The following MMP15 variants were observed in gnomAD, a reference collection of about 807,000 sequenced individuals.
The protein encoded by MMP15 is matrix metalloproteinase-15.
A neutral mutation model predicts 65.0 loss-of-function variants in MMP15; 36 were observed. That is an observed-to-expected ratio of 0.55 (90% CI 0.42 to 0.73). MMP15 has a LOEUF of 0.73. MMP15 is among the 30% of genes least tolerant of loss of function. MMP15 has a pLI of 0.00. For missense variants in MMP15, 870 were observed against 987.8 expected (o/e 0.88, Z 1.60); for synonymous variants, 428 against 410.2 (o/e 1.04, Z -0.52).
intron 4 of MMP15, 31 bp downstream of exon 4, chr16:58,040,213 G>A (rs759458685): frequency 6.3e-7 from 1 of 1,582,280 alleles, no homozygotes; most frequent in Non-Finnish European, 8.6e-7. Context: ...TGAGGGGCAG[G>A]GCAGGTGGCC....
In MMP15 at chr16:58,038,361, G is replaced by A. The variant is rs777664379; in HGVS notation, c.407G>A (p.Gly136Glu). Residue 136 changes from glycine (G) to glutamate (E), a missense_variant, in exon 3 of 10, where the codon GGG becomes GAG. Gly to Glu is a moderately conservative substitution (Grantham distance 98, BLOSUM62 -2). Coordinates refer to ENST00000219271, the MANE Select transcript of MMP15 (RefSeq NM_002428.4). ...RRRRKRYALT[G>E]RKWNNHHLTF... ...CGTCGGAAGCGCTACGCCCTCACCG[G>A]GAGGAAGTGGAACAACCACCATCTG... The A allele has an allele frequency of 6.2e-7, 1 of 1,614,086 alleles. No homozygotes were observed. Among genetic ancestry groups the A allele is most frequent in the Admixed American group, 1.7e-5 (1 of 60,026 alleles).
At chr16:58,041,587 C>T (rs1437606925) in intron 5 of MMP15, 30 bp from the exon 6 acceptor site, 3 of 1,561,678 alleles carry the variant, frequency 1.9e-6, no homozygotes, top group African/African-American at 2.7e-5. Flanking sequence ...GGAACACAGA[C>T]CTCACTTCTG....
At position 58,041,727 on chromosome 16, in the gene MMP15, G is replaced by C; in HGVS notation, c.1021G>C (p.Gly341Arg). 6.3e-7 allele frequency: 1 copy of C among 1,592,102 alleles called. No homozygotes were observed. Reference protein sequence around the residue: ...PPRPPQPPPPGGKPERPPKPG... With the variant: ...PPRPPQPPPPRGKPERPPKPG... Reference sequence around the variant, plus strand: ...CCGGCCTCCCCAGCCACCACCCCCAGGTGGGAAGCCAGAGCGGCCCCCAAA... The same window carrying C: ...CCGGCCTCCCCAGCCACCACCCCCACGTGGGAAGCCAGAGCGGCCCCCAAA... The change falls in exon 6 of 10, where the codon GGT becomes CGT. Residue 341 changes from glycine (G) to arginine (R), a missense_variant. Gly to Arg is a moderately radical substitution (Grantham distance 125, BLOSUM62 -2). Transcript: ENST00000219271.
intron 1 of MMP15, among the ~76,000 whole-genome samples, chr16:58,027,303 AGGCGCGACATCCC>A (rs1963836384): frequency 6.6e-6 from 1 of 152,204 alleles, no homozygotes; most frequent in Admixed American, 6.5e-5. Flanking sequence ...GCGGGTGACC[AGGCGCGACATCCC>A]GGCGTAGAGC....
At chr16:58,038,502 T>A (rs1038867241) in intron 3 of MMP15, 108 bp downstream of exon 3, 6 of 1,435,136 alleles carry the variant, frequency 4.2e-6, no homozygotes, top group Non-Finnish European at 5.7e-6. Flanking sequence ...TCCAGCCCGC[T>A]TTCACGCTGA....
At chr16:58,039,433 AAAAG>A (rs1408895946) in intron 3 of MMP15, among the ~76,000 whole-genome samples, 1 of 152,240 alleles carries the variant, frequency 6.6e-6, no homozygotes, top group Non-Finnish European at 1.5e-5. Flanking sequence ...CTCCATCTCA[AAAAG>A]AAAGAAGGAA....
chr16:58,043,744 C>T (rs1959500951), intron 9 of MMP15, 117 bp downstream of exon 9: 1 of 692,230 alleles, frequency 1.4e-6, no homozygotes, highest in Admixed American at 3.1e-5. Flanking sequence ...GGGTGACAAG[C>T]TGTGTCACGC....
intron 3 of MMP15, among the ~76,000 whole-genome samples, chr16:58,039,173 C>T (rs1040779947): frequency 6.6e-6 from 1 of 152,240 alleles, no homozygotes; most frequent in Non-Finnish European, 1.5e-5. Context: ...TGGCTCACAC[C>T]TGTAATCCCA....
At chr16:58,043,450 G>T in intron 8 of MMP15, 62 bp from the exon 9 acceptor site, 1 of 1,600,574 alleles carries the variant, frequency 6.2e-7, no homozygotes, top group Admixed American at 1.7e-5. Context: ...CACTGCCTGT[G>T]GGGAACGGGT....
At chr16:58,027,341 G>T (rs1567427388) in intron 1 of MMP15, among the ~76,000 whole-genome samples, 1 of 152,228 alleles carries the variant, frequency 6.6e-6, no homozygotes. Context: ...TCCAGCCAGC[G>T]CCCCAGCTCC....
chr16:58,040,321 A>G (rs1959426168), intron 4 of MMP15, 139 bp downstream of exon 4: 20 of 1,048,708 alleles, frequency 1.9e-5, no homozygotes, highest in Non-Finnish European at 2.4e-5. Context: ...ACTACACTCA[A>G]TTTCAGTCTG....
At chr16:58,042,190 C>T in intron 6 of MMP15, 41 bp from the exon 7 acceptor site, 1 of 1,589,598 alleles carries the variant, frequency 6.3e-7, no homozygotes, top group Non-Finnish European at 8.6e-7. Context: ...CCGGCCAAGG[C>T]AGCTTGCCTG....
chr16:58,032,950 AG>A (rs1245018732), intron 1 of MMP15, among the ~76,000 whole-genome samples: 1 of 152,186 alleles, frequency 6.6e-6, no homozygotes, highest in African/African-American at 2.4e-5. Context: ...GGGTCTGATA[AG>A]GGCCCCGGGG....
chr16:58,031,254 A>G (rs1029289980), intron 1 of MMP15, among the ~76,000 whole-genome samples: 11 of 152,184 alleles, frequency 7.2e-5, no homozygotes, highest in Non-Finnish European at 1.5e-4. Flanking sequence ...GTTGAAGGCT[A>G]CAGGTCAGAG....
In MMP15 at chr16:58,026,140, G is replaced by T. The variant is rs1205686820; in HGVS notation, c.-211G>T. 2 of 452,868 alleles carry T rather than the reference G, an allele frequency of 4.4e-6. No homozygotes were observed. The highest frequency in any genetic ancestry group is 7.1e-6 in the Non-Finnish European group (2 of 280,552). 28.1% of individuals were successfully genotyped at this position (452,868 alleles called of 1,614,324 possible). A position where few individuals can be genotyped will look rare whatever the true frequency, so the allele number is the denominator to read the frequency against. On this transcript the variant is annotated 5_prime_UTR_variant, in exon 1 of 10. Coordinates refer to ENST00000219271, the MANE Select transcript of MMP15 (RefSeq NM_002428.4). The stretch of plus-strand genomic sequence containing the variant: ...GCAGCTCCGGTCGGCCCCCTTTCCC[G>T]CCGGCTGGTTCCGAGCTCCCGGACC...
chr16:58,034,538 C>G (rs1219988022), intron 1 of MMP15, among the ~76,000 whole-genome samples: 15 of 152,164 alleles, frequency 9.9e-5, no homozygotes, highest in Admixed American at 8.5e-4. Context: ...CGTTCAGTCA[C>G]CCTGAGCACA....
At chr16:58,031,725 A>G (rs1963891027) in intron 1 of MMP15, among the ~76,000 whole-genome samples, 1 of 152,030 alleles carries the variant, frequency 6.6e-6, no homozygotes. Flanking sequence ...AACTCGCTTA[A>G]AGACCCATGG....
intron 1 of MMP15, among the ~76,000 whole-genome samples, chr16:58,033,907 AAAG>A (rs1251597435): frequency 6.6e-6 from 1 of 152,254 alleles, no homozygotes; most frequent in Non-Finnish European, 1.5e-5. Flanking sequence ...CGTCTCAAAA[AAAG>A]AAAAGAAATG....
At position 58,026,418 on chromosome 16, in the gene MMP15, A is replaced by G; in HGVS notation, c.68A>G (p.Glu23Gly). Residue 23 changes from glutamate to glycine, a missense_variant, in exon 1 of 10, where the codon GAG becomes GGG. By Grantham distance (98) the Glu-to-Gly change is moderately conservative. Coordinates refer to ENST00000219271, the MANE Select transcript of MMP15 (RefSeq NM_002428.4). Reference protein sequence around the residue: ...WTGSLLGDREEAARPRLLPLL... With the variant: ...WTGSLLGDREGAARPRLLPLL... ...GGCAGCCTCCTCGGCGACCGGGAGGAGGCGGCGCGGCCGCGACTGCTGCCG... is the reference window on the plus strand; with the variant it reads ...GGCAGCCTCCTCGGCGACCGGGAGGGGGCGGCGCGGCCGCGACTGCTGCCG... 1.4e-6 allele frequency: 2 copies of G among 1,439,418 alleles called. No individual in the cohort carries two copies. The highest frequency in any genetic ancestry group is 1.5e-5 in the African/African-American group (1 of 67,102). 89.2% of individuals were successfully genotyped at this position (1,439,418 alleles called of 1,614,324 possible). A position where few individuals can be genotyped will look rare whatever the true frequency, so the allele number is the denominator to read the frequency against.
Sources: allele counts gnomAD v4.1 joint callset (sites outside exome capture counted in the v4.1 genomes callset), GRCh38; gene constraint gnomAD v4.1.1; transcripts MANE v1.5; gene names NCBI Gene and HGNC (gene_info 2026-07-23, HGNC 2026-07-21).